MAP2K3: variants seen among roughly 807,000 people sequenced by gnomAD.
MAP2K3 encodes the protein dual specificity mitogen-activated protein kinase kinase 3.
Under a neutral mutation model 46.4 loss-of-function variants are expected in MAP2K3, and 30 were observed. The ratio of observed to expected loss-of-function variants is 0.65; its 90% confidence interval spans 0.48 to 0.88. The LOEUF is 0.88. MAP2K3 is among the 40% of genes least tolerant of loss of function. The pLI is 0.00. For synonymous variants in MAP2K3, 189 were observed against 176.3 expected, an observed-to-expected ratio of 1.07 and a Z score of -0.57; for missense variants, 380 against 464.5, an observed-to-expected ratio of 0.82 and a Z score of 1.67.
At chr17:21,299,226 T>G (rs2144554559) in intron 3 of MAP2K3, among the ~76,000 whole-genome samples, 1 of 152,430 alleles carries the variant, frequency 6.6e-6, no homozygotes, top group Non-Finnish European at 1.5e-5. Context: ...GGGGAGAGTA[T>G]TGAACATGCA....
chr17:21,300,885 C>T lies in MAP2K3; in HGVS notation c.291C>T (p.Ala97=). 1.2e-6 allele frequency: 2 copies of T among 1,614,204 alleles called. No individual in the cohort carries two copies. The highest frequency in any genetic ancestry group is 1.7e-6 in the Non-Finnish European group (2 of 1,180,056). ...GTIMAVKRIR[A]TVNSQEQKRL... The stretch of plus-strand genomic sequence containing the variant: ...GTCCTTCCCTGCAGCGGATCCGGGC[C>T]ACCGTGAACTCACAGGAGCAGAAGC... The change falls in exon 5 of 12, where the codon GCC becomes GCT. Residue 97 remains alanine (A), a synonymous_variant. Coordinates refer to ENST00000342679, the MANE Select transcript of MAP2K3 (RefSeq NM_145109.3).
chr17:21,312,268 T>A lies in MAP2K3; in HGVS notation c.901T>A (p.Phe301Ile). ...CCGTTTCTCCCCCGAGTTTGTGGAC[T>A]TCACTGCTCAGTGGTGAGTCTTGGG... is the stretch of plus-strand genomic sequence containing the variant. ...ADRFSPEFVDFTAQCLRKNPA... is the reference protein window; with the variant it reads ...ADRFSPEFVDITAQCLRKNPA... Residue 301 changes from phenylalanine to isoleucine, a missense_variant, in exon 10 of 12, where the codon TTC (phenylalanine) becomes ATC (isoleucine). Around this residue, in one of 5 missense-constraint regions of MAP2K3, gnomAD observed 63 missense variants for 81.6 expected, o/e 0.77. Transcript: ENST00000342679. 1 of 1,601,500 alleles carries A rather than the reference T, an allele frequency of 6.2e-7. No homozygotes were observed. The highest frequency in any genetic ancestry group is 1.7e-5 in the Admixed American group (1 of 57,248).
chr17:21,311,302 A>G (rs897309457), intron 9 of MAP2K3, among the ~76,000 whole-genome samples: 3 of 152,022 alleles, frequency 2.0e-5, no homozygotes, highest in African/African-American at 7.3e-5. Flanking sequence ...CAGGGCTGAC[A>G]TAACTTGTTT....
Position 21,300,646 on chromosome 17 carries a change from C to T in MAP2K3, c.267C>T (p.Ile89=). 1 of 1,610,144 alleles carries T rather than the reference C, an allele frequency of 6.2e-7. No individual in the cohort carries two copies. Among genetic ancestry groups the T allele is most frequent in the South Asian group, 1.1e-5 (1 of 90,316 alleles). Residue 89 remains isoleucine (I), a synonymous_variant, in exon 4 of 12, where the codon ATC becomes ATT. Transcript: ENST00000342679. ...TGCGGCACGCCCAGAGCGGCACCAT[C>T]ATGGCCGTGAAGGTGAGCAGGGCCT... is the stretch of plus-strand genomic sequence containing the variant. The part of the protein sequence containing the change: ...EKVRHAQSGT[I]MAVKRIRATV...
intron 1 of MAP2K3, among the ~76,000 whole-genome samples, chr17:21,292,090 G>A (rs995498583): frequency 1.1e-4 from 17 of 152,418 alleles, no homozygotes; most frequent in Non-Finnish European, 1.8e-4. Flanking sequence ...CACCTCAGGC[G>A]TGTCCTGGGG....
At chr17:21,285,144 C>G (rs2144423275) in intron 1 of MAP2K3, 175 bp downstream of exon 1, 1 of 860,172 alleles carries the variant, frequency 1.2e-6, no homozygotes, top group Non-Finnish European at 1.4e-6. Context: ...TGGGCCCTCA[C>G]CTGGACCCCC....
rs541889366 is a variant in MAP2K3 at position 21,301,118 on chromosome 17, T to C, written c.399+125T>C. 127 of 1,496,620 alleles carry C rather than the reference T, an allele frequency of 8.5e-5. No individual in the cohort carries two copies. In the African/African-American group the frequency reaches 1.5e-3, roughly 18 times the overall value. 92.7% of individuals were successfully genotyped at this position (1,496,620 alleles called of 1,614,324 possible). A position where few individuals can be genotyped will look rare whatever the true frequency, so the allele number is the denominator to read the frequency against. ...GACACCTGGCATACTGGCAGGAGGC[T>C]CCCCCGTCTCTTGGCTGTTACTGTC... On this transcript the variant is annotated intron_variant, in intron 5 of 11. Transcript: ENST00000342679.
chr17:21,302,185 G>T lies in MAP2K3; in HGVS notation c.442G>T (p.Asp148Tyr). 6.2e-7 allele frequency: 1 copy of T among 1,614,204 alleles called. No homozygotes were observed. The highest frequency in any genetic ancestry group is 1.1e-5 in the South Asian group (1 of 91,088). The change falls in exon 6 of 12, where the codon GAC (aspartate) becomes TAC (tyrosine). Residue 148 changes from aspartate to tyrosine, a missense_variant. Asp to Tyr is a radical substitution (Grantham distance 160, BLOSUM62 -3). Around this residue, in one of 5 missense-constraint regions of MAP2K3, gnomAD observed 294 missense variants for 275.4 expected, o/e 1.07. Coordinates refer to ENST00000342679, the MANE Select transcript of MAP2K3 (RefSeq NM_145109.3). ...ICMELMDTSL[D>Y]KFYRKVLDKN... ...CATGGAGCTCATGGACACATCCTTG[G>T]ACAAGTTCTACCGGAAGGTGCTGGA...
intron 7 of MAP2K3, among the ~76,000 whole-genome samples, chr17:21,303,627 G>A (rs1384398192): frequency 6.6e-6 from 1 of 152,310 alleles, no homozygotes; most frequent in Non-Finnish European, 1.5e-5. Flanking sequence ...TCCCCCATGT[G>A]CCTAAGGCAC....
At chr17:21,297,685 C>G (rs930974675) in intron 1 of MAP2K3, among the ~76,000 whole-genome samples, 4 of 145,418 alleles carry the variant, frequency 2.8e-5, no homozygotes, top group African/African-American at 1.0e-4. Flanking sequence ...TGCTGTGCAC[C>G]TGGCCAGGCT....
Position 21,312,232 on chromosome 17 carries a change from C to G in MAP2K3, c.865C>G (p.Leu289Val), listed in dbSNP as rs768070212. The G allele has an allele frequency of 6.2e-7, 1 of 1,603,976 alleles. No homozygotes were observed. Among genetic ancestry groups the G allele is most frequent in the Non-Finnish European group, 8.5e-7 (1 of 1,176,664 alleles). ...KQVVEEPSPQ[L>V]PADRFSPEFV... The stretch of plus-strand genomic sequence containing the variant: ...GGTGGTGGAGGAGCCGTCCCCCCAG[C>G]TCCCAGCCGACCGTTTCTCCCCCGA... Residue 289 changes from leucine (L) to valine (V), a missense_variant, in exon 10 of 12, where the codon CTC becomes GTC. By Grantham distance (32) the Leu-to-Val change is conservative. Transcript: ENST00000342679.
rs1673837 is a variant in MAP2K3 at position 21,313,978 on chromosome 17, G to T, written c.961-169G>T. The T allele has an allele frequency of 4.6e-6, 3 of 657,592 alleles. No individual in the cohort carries two copies. The South Asian group carries it at 5.2e-5, about 11-fold the overall frequency. 40.7% of individuals were successfully genotyped at this position (657,592 alleles called of 1,614,324 possible). On this transcript the variant is annotated intron_variant, in intron 11 of 11. Transcript: ENST00000342679. ...ACAAGAGAGCTGAGGAGGAGCCACA[G>T]ATGCCATCTGTGACAGTCATGGAGG...
intron 1 of MAP2K3, chr17:21,296,330 G>A: frequency 1.7e-6 from 1 of 589,868 alleles, no homozygotes; most frequent in Non-Finnish European, 2.7e-6. Flanking sequence ...CAAGCCCAGA[G>A]CCTCAGAAGT....
chr17:21,302,309 GC>G, intron 6 of MAP2K3, 50 bp downstream of exon 6: 1 of 1,516,480 alleles, frequency 6.6e-7, no homozygotes, highest in Non-Finnish European at 9.1e-7. Context: ...ATAGGCAGAG[GC>G]CCAGCCCTGC....
chr17:21,295,892 T>TGTGGC, intron 1 of MAP2K3: 2 of 1,276,154 alleles, frequency 1.6e-6, no homozygotes, highest in Non-Finnish European at 2.0e-6. Context: ...GCAGGGAGGG[T>TGTGGC]GTGGCGTGGA....
intron 7 of MAP2K3, among the ~76,000 whole-genome samples, 187 bp from the exon 8 acceptor site, chr17:21,304,239 C>T (rs941270728): frequency 3.3e-5 from 5 of 152,312 alleles, no homozygotes; most frequent in African/African-American, 4.8e-5. Context: ...TCAGCTGGCC[C>T]GGCACCTCTT....
rs1263632844 is a variant in MAP2K3, at chr17:21,302,193, C to T, written c.450C>T (p.Phe150=). 1 of 1,599,438 alleles carries T rather than the reference C, an allele frequency of 6.3e-7. No homozygotes were observed. The highest frequency in any genetic ancestry group is 8.5e-7 in the Non-Finnish European group (1 of 1,170,296). Residue 150 remains phenylalanine, a synonymous_variant, in exon 6 of 12, where the codon TTC becomes TTT. Transcript: ENST00000342679. ...MELMDTSLDK[F]YRKVLDKNMT... is the part of the protein sequence containing the mutation. ...TCATGGACACATCCTTGGACAAGTT[C>T]TACCGGAAGGTGCTGGATAAAAACA...
rs1976639107 is a variant in MAP2K3 at position 21,302,136 on chromosome 17, C to CAGAG, written c.400-7_400-6insAGAG. Reference sequence around the variant, plus strand: ...CAGCCTGGCTGAGCTCTGGGTGTCACCCACAGGGAGACGTGTGGATCTGCA... The same window carrying CAGAG: ...CAGCCTGGCTGAGCTCTGGGTGTCACAGAGCCACAGGGAGACGTGTGGATCTGCA... On this transcript the variant is annotated splice_polypyrimidine_tract_variant and splice_region_variant and intron_variant, in intron 5 of 11. Transcript: ENST00000342679. 1 of 1,613,944 alleles carries CAGAG rather than the reference C, an allele frequency of 6.2e-7. No individual in the cohort carries two copies. Among genetic ancestry groups the CAGAG allele is most frequent in the South Asian group, 1.1e-5 (1 of 91,094 alleles).
At chr17:21,297,515 A>G (rs1029733044) in intron 1 of MAP2K3, among the ~76,000 whole-genome samples, 3 of 152,308 alleles carry the variant, frequency 2.0e-5, no homozygotes, top group Non-Finnish European at 4.4e-5. Context: ...CCAGAGCACC[A>G]GGTGACCCTG....
Sources: allele counts gnomAD v4.1 joint callset (sites outside exome capture counted in the v4.1 genomes callset), GRCh38; gene constraint gnomAD v4.1.1; regional missense constraint gnomAD v4.1.1; transcripts MANE v1.5; gene names NCBI Gene and HGNC (gene_info 2026-07-23, HGNC 2026-07-21).